The following DCC variants were observed in gnomAD, a reference collection of about 807,000 sequenced individuals.
DCC encodes DCC netrin 1 receptor, also known as netrin receptor DCC.
Under a neutral mutation model 172.5 loss-of-function variants are expected in DCC, and 58 were observed. That is an observed-to-expected ratio of 0.34 (90% CI 0.27 to 0.42). DCC has a LOEUF of 0.42. Ranked by LOEUF, DCC falls within the 10% of genes least tolerant of loss-of-function variation. The probability of loss-of-function intolerance (pLI) is 1.00; values close to 1 mark genes in which losing one functional copy is unlikely to be tolerated. For missense variants in DCC, 1,740 were observed against 1,791.0 expected, an observed-to-expected ratio of 0.97 and a Z score of 0.51; for synonymous variants, 709 against 644.5, an observed-to-expected ratio of 1.10 and a Z score of -1.52.
chr18:52,383,726 T>G (rs1304646850), intron 1 of DCC, among the ~76,000 whole-genome samples: 2 of 152,214 alleles, frequency 1.3e-5, no homozygotes, highest in Non-Finnish European at 2.9e-5. Flanking sequence ...TTCATATGAT[T>G]ATTGTAATTT....
chr18:52,894,717 C>G (rs962012212), intron 2 of DCC, among the ~76,000 whole-genome samples: 1 of 151,866 alleles, frequency 6.6e-6, no homozygotes, highest in Non-Finnish European at 1.5e-5. Context: ...GTTCAAGTCT[C>G]AGTTCAAAGG....
At chr18:52,844,667 A>G (rs1402986962) in intron 2 of DCC, among the ~76,000 whole-genome samples, 1 of 152,158 alleles carries the variant, frequency 6.6e-6, no homozygotes, top group Admixed American at 6.5e-5. Flanking sequence ...GAAGTGACAC[A>G]AATACATATG....
chr18:53,000,801 A>C (rs910499254), intron 5 of DCC, among the ~76,000 whole-genome samples: 5 of 151,948 alleles, frequency 3.3e-5, no homozygotes, highest in Non-Finnish European at 1.5e-5. Flanking sequence ...TCAAGGTGGT[A>C]GTTAAGCACA....
chr18:52,594,121 C>T (rs1190687497), intron 1 of DCC, among the ~76,000 whole-genome samples: 1 of 152,148 alleles, frequency 6.6e-6, no homozygotes, highest in African/African-American at 2.4e-5. Context: ...AGAGAAAAGG[C>T]TATAATAAGT....
chr18:53,223,063 G>A (rs1243398869), intron 12 of DCC, among the ~76,000 whole-genome samples: 1 of 151,972 alleles, frequency 6.6e-6, no homozygotes, highest in African/African-American at 2.4e-5. Context: ...ACTAGAATAG[G>A]ATATTGAGAA....
At chr18:53,301,648 A>C (rs565367932) in intron 12 of DCC, among the ~76,000 whole-genome samples, 2 of 152,000 alleles carry the variant, frequency 1.3e-5, no homozygotes, top group Non-Finnish European at 2.9e-5. Flanking sequence ...TATGTTTCTC[A>C]GTAATCTACT....
At chr18:52,955,631 T>C (rs2145557677) in intron 5 of DCC, among the ~76,000 whole-genome samples, 1 of 152,250 alleles carries the variant, frequency 6.6e-6, no homozygotes, top group South Asian at 2.1e-4. Flanking sequence ...CAAACTGTCC[T>C]TCAAAGTGGT....
At chr18:52,698,686 C>A (rs2067212731) in intron 1 of DCC, among the ~76,000 whole-genome samples, 1 of 152,064 alleles carries the variant, frequency 6.6e-6, no homozygotes, top group Non-Finnish European at 1.5e-5. Context: ...GCAACCTCCA[C>A]CTCCCGGGTT....
At chr18:53,125,444 G>T (rs952410935) in intron 7 of DCC, among the ~76,000 whole-genome samples, 1 of 151,924 alleles carries the variant, frequency 6.6e-6, no homozygotes, top group African/African-American at 2.4e-5. Flanking sequence ...GTTCTTGCAT[G>T]GTGCTCTCTC....
At chr18:53,450,979 T>C (rs1325558347) in intron 23 of DCC, among the ~76,000 whole-genome samples, 1 of 152,214 alleles carries the variant, frequency 6.6e-6, no homozygotes, top group African/African-American at 2.4e-5. Flanking sequence ...ACCATGCCCC[T>C]GTTTCTGGCC....
At chr18:53,252,140 T>C (rs1404793479) in intron 12 of DCC, among the ~76,000 whole-genome samples, 1 of 151,918 alleles carries the variant, frequency 6.6e-6, no homozygotes, top group Non-Finnish European at 1.5e-5. Context: ...AATAAAAACA[T>C]CAATTACGCT....
intron 15 of DCC, among the ~76,000 whole-genome samples, chr18:53,367,741 T>C (rs1178122734): frequency 4.6e-5 from 7 of 152,272 alleles, no homozygotes; most frequent in Middle Eastern, 3.4e-3. Context: ...TTTTGACTAC[T>C]CTATACATCA....
intron 15 of DCC, among the ~76,000 whole-genome samples, chr18:53,378,970 G>C (rs896149643): frequency 1.3e-5 from 2 of 152,178 alleles, no homozygotes; most frequent in Non-Finnish European, 2.9e-5. Context: ...AAGTAGAATT[G>C]AATGCATTAT....
chr18:53,116,967 C>T (rs1215536946), intron 7 of DCC, among the ~76,000 whole-genome samples: 7 of 151,568 alleles, frequency 4.6e-5, no homozygotes, highest in African/African-American at 1.7e-4. Flanking sequence ...TTTCAACCAG[C>T]CCATCAAGTG....
chr18:52,700,427 A>G (rs56871666), intron 1 of DCC, among the ~76,000 whole-genome samples: 15,077 of 152,108 alleles, frequency 0.099, 839 homozygotes, highest in South Asian at 0.21. Flanking sequence ...ACACACACAC[A>G]GAATATTCTT....
chr18:53,186,415 T>C (rs951014284), intron 9 of DCC, among the ~76,000 whole-genome samples: 5 of 152,188 alleles, frequency 3.3e-5, no homozygotes, highest in South Asian at 2.1e-4. Flanking sequence ...AAAGCCAGCA[T>C]GAACATCTTC....
At chr18:53,182,929 A>G (rs1387378916) in intron 9 of DCC, among the ~76,000 whole-genome samples, 1 of 152,162 alleles carries the variant, frequency 6.6e-6, no homozygotes, top group East Asian at 1.9e-4. Context: ...TTTAGTGGCA[A>G]GATCAGGTTA....
In DCC at chr18:52,736,545, A is replaced by G. The variant is rs990489308; in HGVS notation, c.92-15509A>G. Among the ~76,000 whole-genome samples, 3 of 152,260 alleles carry G rather than the reference A, an allele frequency of 2.0e-5. No individual in the cohort carries two copies. In the South Asian group the frequency reaches 6.2e-4, roughly 32 times the overall value. ...TTTCATACTGTTTTTTGAACTGCAG[A>G]GAAAAAAAGTTGAAAGGGAAAGGAA... is the stretch of plus-strand genomic sequence containing the variant. On this transcript the variant is annotated intron_variant, in intron 1 of 28. Transcript: ENST00000442544.
intron 12 of DCC, among the ~76,000 whole-genome samples, chr18:53,258,784 T>C (rs1019360806): frequency 6.6e-6 from 1 of 152,146 alleles, no homozygotes; most frequent in Non-Finnish European, 1.5e-5. Context: ...TTTCTGTCTC[T>C]TTGATCTATC....
Sources: allele counts gnomAD v4.1 joint callset (sites outside exome capture counted in the v4.1 genomes callset), GRCh38; gene constraint gnomAD v4.1.1; transcripts MANE v1.5; gene names NCBI Gene and HGNC (gene_info 2026-07-23, HGNC 2026-07-21).